KLF7: variants seen among roughly 807,000 people sequenced by gnomAD.
KLF7 encodes KLF transcription factor 7.
KLF7 carries 2 observed loss-of-function variants against 27.3 expected under a neutral mutation model. The observed-to-expected ratio is 0.07, with a 90% CI of 0.03 to 0.23. KLF7 has a LOEUF of 0.23. Ranked by LOEUF, KLF7 falls within the 10% of genes least tolerant of loss-of-function variation. The probability of loss-of-function intolerance (pLI) is 1.00; values close to 1 mark genes in which losing one functional copy is unlikely to be tolerated. For missense variants in KLF7, 221 were observed against 394.1 expected (o/e 0.56, Z 3.72); for synonymous variants, 165 against 162.4 (o/e 1.02, Z -0.12).
At chr2:207,099,302 G>A (rs1574446897) in intron 2 of KLF7, among the ~76,000 whole-genome samples, 1 of 152,076 alleles carries the variant, frequency 6.6e-6, no homozygotes, top group East Asian at 1.9e-4. Context: ...AGAGGACTGT[G>A]TGTCTGTGAA....
At chr2:207,157,095 GC>G (rs2078403378) in intron 1 of KLF7, among the ~76,000 whole-genome samples, 1 of 151,888 alleles carries the variant, frequency 6.6e-6, no homozygotes, top group Non-Finnish European at 1.5e-5. Flanking sequence ...ACTATCGAGT[GC>G]CCACAGTGTG....
In KLF7 at chr2:207,145,393, C is replaced by T. The variant is rs538951472; in HGVS notation, c.102+20074G>A. Among the ~76,000 whole-genome samples the T allele has an allele frequency of 3.2e-4, 49 of 152,266 alleles. 2 individuals are homozygous for T. Among genetic ancestry groups the T allele is most frequent in the Admixed American group, 2.9e-3 (45 of 15,292 alleles). Reference sequence around the variant, plus strand: ...ACATCTATTCAACACTGGCAATATACCTACTATATAAAGTATGACAACTTT... The same window carrying T: ...ACATCTATTCAACACTGGCAATATATCTACTATATAAAGTATGACAACTTT... On this transcript the variant is annotated intron_variant, in intron 1 of 3. Coordinates refer to ENST00000309446, the MANE Select transcript of KLF7 (RefSeq NM_003709.4).
At chr2:207,095,955 T>C (rs1171121915) in intron 2 of KLF7, among the ~76,000 whole-genome samples, 2 of 152,202 alleles carry the variant, frequency 1.3e-5, no homozygotes, top group East Asian at 3.8e-4. Context: ...AATTTAAAGT[T>C]ACATATGTGG....
At chr2:207,155,084 G>A (rs918548742) in intron 1 of KLF7, among the ~76,000 whole-genome samples, 2 of 152,132 alleles carry the variant, frequency 1.3e-5, no homozygotes, top group African/African-American at 2.4e-5. Context: ...TTGGATCCCA[G>A]CTCAAATACT....
rs1315759997 is a variant in KLF7, at chr2:207,124,241, C to T, written c.266G>A (p.Cys89Tyr). 2.2e-5 allele frequency: 36 copies of T among 1,614,090 alleles called. No individual in the cohort carries two copies. The highest frequency in any genetic ancestry group is 3.0e-5 in the Non-Finnish European group (35 of 1,180,016). The stretch of plus-strand genomic sequence containing the variant: ...GATGTCCACTGCCGAGCTCTTCTCA[C>T]AGATGGCCGCTTCCACGGGGAGCAG... Reference protein sequence around the residue: ...PLLLPVEAAICEKSSAVDILL... With the variant: ...PLLLPVEAAIYEKSSAVDILL... Residue 89 changes from cysteine (C) to tyrosine (Y), a missense_variant, in exon 2 of 4, where the codon TGT becomes TAT. Transcript: ENST00000309446.
intron 1 of KLF7, among the ~76,000 whole-genome samples, chr2:207,147,660 T>C (rs1366603693): frequency 6.6e-6 from 1 of 152,146 alleles, no homozygotes; most frequent in Non-Finnish European, 1.5e-5. Context: ...GTTTCACCCC[T>C]ATTTTCTAGG....
At chr2:207,146,441 A>G (rs2078098535) in intron 1 of KLF7, among the ~76,000 whole-genome samples, 2 of 152,156 alleles carry the variant, frequency 1.3e-5, no homozygotes, top group South Asian at 4.1e-4. Context: ...TCAGACCAAT[A>G]TAAAGCTGTC....
chr2:207,113,616 G>T (rs1226218187), intron 2 of KLF7, among the ~76,000 whole-genome samples: 4 of 130,058 alleles, frequency 3.1e-5, no homozygotes, highest in African/African-American at 1.1e-4. Context: ...GTGGGGGGGG[G>T]GGGGAAATGA....
chr2:207,079,170 A>C lies in KLF7; in HGVS notation c.*2043T>G, dbSNP rs2076227696. 1 of 151,982 alleles carries C rather than the reference A, an allele frequency of 6.6e-6. No individual in the cohort carries two copies. Among genetic ancestry groups the C allele is most frequent in the Non-Finnish European group, 1.5e-5 (1 of 68,026 alleles). 9.4% of individuals were successfully genotyped at this position (151,982 alleles called of 1,614,324 possible). On this transcript the variant is annotated 3_prime_UTR_variant, in exon 4 of 4. Transcript: ENST00000309446. ...GACCTCGAAATGCCCCAAGTGTCCAATTGGCAGCTATAGCATTTGTGAGGA... is the reference window on the plus strand; with the variant it reads ...GACCTCGAAATGCCCCAAGTGTCCACTTGGCAGCTATAGCATTTGTGAGGA...
intron 1 of KLF7, among the ~76,000 whole-genome samples, chr2:207,137,267 C>T (rs2077815192): frequency 6.6e-6 from 1 of 152,180 alleles, no homozygotes; most frequent in African/African-American, 2.4e-5. Context: ...CTGACATTAG[C>T]AGCCCCACTT....
At chr2:207,140,485 GA>G (rs770635115) in intron 1 of KLF7, among the ~76,000 whole-genome samples, 1 of 151,410 alleles carries the variant, frequency 6.6e-6, no homozygotes, top group Non-Finnish European at 1.5e-5. Context: ...ATGCAGTGAG[GA>G]AAAAAAAGCA....
chr2:207,090,529 A>C (rs1302939446), intron 2 of KLF7, among the ~76,000 whole-genome samples: 2 of 152,216 alleles, frequency 1.3e-5, no homozygotes, highest in Non-Finnish European at 2.9e-5. Context: ...GTCAGTATTC[A>C]GTTCCTGTCT....
chr2:207,135,411 C>T (rs2077756014), intron 1 of KLF7, among the ~76,000 whole-genome samples: 1 of 152,144 alleles, frequency 6.6e-6, no homozygotes, highest in Non-Finnish European at 1.5e-5. Flanking sequence ...CCCTAAGACA[C>T]TCAATAATCC....
At chr2:207,081,933 T>C (rs1170347335) in intron 3 of KLF7, among the ~76,000 whole-genome samples, 5 of 150,260 alleles carry the variant, frequency 3.3e-5, no homozygotes, top group Non-Finnish European at 7.4e-5. Context: ...ATGCTAAGGG[T>C]TTTCCCAATA....
At chr2:207,082,433 C>G (rs899415740) in intron 3 of KLF7, among the ~76,000 whole-genome samples, 3 of 152,186 alleles carry the variant, frequency 2.0e-5, no homozygotes, top group Non-Finnish European at 4.4e-5. Context: ...ATCAGAGAAG[C>G]TGGATCCAAC....
intron 2 of KLF7, among the ~76,000 whole-genome samples, chr2:207,091,976 A>G (rs1010996753): frequency 2.6e-5 from 4 of 151,584 alleles, no homozygotes; most frequent in Admixed American, 6.6e-5. Flanking sequence ...AAAGAAAAAA[A>G]GAAAGGCTTT....
At chr2:207,134,623 T>C (rs1262589596) in intron 1 of KLF7, among the ~76,000 whole-genome samples, 1 of 152,188 alleles carries the variant, frequency 6.6e-6, no homozygotes, top group Non-Finnish European at 1.5e-5. Flanking sequence ...TTGGACTTGA[T>C]TTCCCACAAT....
At position 207,077,699 on chromosome 2, in the gene KLF7, G is replaced by A. The variant is rs1221872996; in HGVS notation, c.*3514C>T. 6.6e-6 allele frequency: 1 copy of A among 152,150 alleles called. No homozygotes were observed. The allele number at this position is 152,150 out of a possible 1,614,324, so 9.4% of individuals were successfully genotyped here. On this transcript the variant is annotated 3_prime_UTR_variant, in exon 4 of 4. Coordinates refer to ENST00000309446, the MANE Select transcript of KLF7 (RefSeq NM_003709.4). ...GCCATTAACCATGGGTGGGGCAGGA[G>A]GCCAGTAGCTAGGAGCAGCATTATA...
intron 1 of KLF7, among the ~76,000 whole-genome samples, chr2:207,153,027 G>A (rs2106112581): frequency 6.6e-6 from 1 of 152,254 alleles, no homozygotes; most frequent in South Asian, 2.1e-4. Flanking sequence ...CTGTTTGTAT[G>A]TCTGATAATC....
Sources: allele counts gnomAD v4.1 joint callset (sites outside exome capture counted in the v4.1 genomes callset), GRCh38; gene constraint gnomAD v4.1.1; transcripts MANE v1.5; gene names NCBI Gene and HGNC (gene_info 2026-07-23, HGNC 2026-07-21).